Variants in SMAGP observed in about 807,000 individuals in gnomAD.
SMAGP encodes the protein small cell adhesion glycoprotein, also known as small cell transmembrane and glycosylated protein.
SMAGP carries 7 observed loss-of-function variants against 10.1 expected under a neutral mutation model. The ratio of observed to expected loss-of-function variants is 0.70; its 90% CI spans 0.40 to 1.31. The LOEUF is 1.31. SMAGP is among the 50% of genes most tolerant of loss of function. SMAGP has a pLI of 0.01. For synonymous variants in SMAGP, 49 were observed against 47.2 expected, an observed-to-expected ratio of 1.04 and a Z score of -0.16; for missense variants, 113 against 116.5, an observed-to-expected ratio of 0.97 and a Z score of 0.14.
At chr12:51,265,939 G>A (rs752810314) in intron 2 of SMAGP, among the ~76,000 whole-genome samples, 5 of 152,096 alleles carry the variant, frequency 3.3e-5, no homozygotes, top group African/African-American at 7.2e-5. Flanking sequence ...AAAATTAGCC[G>A]GGCGTGGTGG....
chr12:51,246,364 C>T (rs1592230321), intron 3 of SMAGP: 1 of 515,758 alleles, frequency 1.9e-6, no homozygotes, highest in East Asian at 3.1e-5. Flanking sequence ...TGAACTGCCT[C>T]CCAAACCAGT....
At chr12:51,252,645 C>G (rs1039563124) in intron 2 of SMAGP, among the ~76,000 whole-genome samples, 5 of 151,512 alleles carry the variant, frequency 3.3e-5, no homozygotes, top group Non-Finnish European at 7.3e-5. Context: ...CCCTCCTCAG[C>G]CTCCCAAAGT....
At chr12:51,260,581 T>G (rs899424872) in intron 2 of SMAGP, among the ~76,000 whole-genome samples, 1 of 150,516 alleles carries the variant, frequency 6.6e-6, no homozygotes. Flanking sequence ...GGTTTCACCG[T>G]GTTAGCCAGG....
intron 2 of SMAGP, among the ~76,000 whole-genome samples, chr12:51,265,022 A>G (rs76009329): frequency 0.024 from 3,579 of 152,174 alleles, 137 homozygotes; most frequent in African/African-American, 0.082. Flanking sequence ...TAAATATACA[A>G]CTGAACAAGA....
chr12:51,263,641 G>A (rs6580820), intron 2 of SMAGP, among the ~76,000 whole-genome samples: 103,379 of 152,022 alleles, frequency 0.68, 38,552 homozygotes, highest in Non-Finnish European at 0.85. Flanking sequence ...GTCTAATACA[G>A]GGTGAGGACA....
Position 51,245,812 on chromosome 12 carries a change from C to G in SMAGP, c.*129G>C. On this transcript the variant is annotated 3_prime_UTR_variant, in exon 4 of 4. Transcript: ENST00000603798. ...TGATGTCGGCATTTGGGACTGCGAC[C>G]TGGCTGGAGCTTGGATTTGCCCACA... 1 of 1,083,800 alleles carries G rather than the reference C, an allele frequency of 9.2e-7. No homozygotes were observed. The allele number at this position is 1,083,800 out of a possible 1,614,324, so 67.1% of individuals were successfully genotyped here. A position where few individuals can be genotyped will look rare whatever the true frequency, so the allele number is the denominator to read the frequency against.
At chr12:51,256,238 C>T (rs1276204996) in intron 2 of SMAGP, among the ~76,000 whole-genome samples, 1 of 151,936 alleles carries the variant, frequency 6.6e-6, no homozygotes, top group African/African-American at 2.4e-5. Context: ...GCAGGGGGAA[C>T]AAATTTGGAA....
intron 2 of SMAGP, 84 bp from the exon 3 acceptor site, chr12:51,246,915 C>T (rs1224564914): frequency 3.2e-6 from 3 of 928,498 alleles, no homozygotes; most frequent in Non-Finnish European, 4.7e-6. Flanking sequence ...ATTTCACCAC[C>T]CCACCTTCTT....
intron 2 of SMAGP, among the ~76,000 whole-genome samples, chr12:51,264,684 T>A (rs1425764547): frequency 6.9e-6 from 1 of 145,414 alleles, no homozygotes. Flanking sequence ...GTAATCCTAG[T>A]ACTTTGGGAG....
At chr12:51,260,370 G>T (rs7968214) in intron 2 of SMAGP, among the ~76,000 whole-genome samples, 17,377 of 149,898 alleles carry the variant, frequency 0.12, 2,062 homozygotes, top group African/African-American at 0.31. Flanking sequence ...TGTTTTTTTT[G>T]TTGTTGTTGT....
chr12:51,252,683 G>GC (rs1353120777), intron 2 of SMAGP, among the ~76,000 whole-genome samples: 10 of 149,844 alleles, frequency 6.7e-5, no homozygotes, highest in East Asian at 2.3e-4. Context: ...GAGCCACATC[G>GC]CCCCCCGAAG....
chr12:51,257,677 T>C (rs1944898227), intron 2 of SMAGP, among the ~76,000 whole-genome samples: 1 of 152,158 alleles, frequency 6.6e-6, no homozygotes, highest in South Asian at 2.1e-4. Context: ...CCCGAGTACC[T>C]GGGATTACAG....
intron 2 of SMAGP, among the ~76,000 whole-genome samples, chr12:51,264,423 GGA>G (rs1410018264): frequency 2.6e-5 from 4 of 152,042 alleles, no homozygotes. Context: ...CTTCAGGCCG[GGA>G]GAGTTGCCTG....
intron 2 of SMAGP, among the ~76,000 whole-genome samples, 198 bp from the exon 3 acceptor site, chr12:51,247,029 G>A (rs1944782969): frequency 6.6e-6 from 1 of 152,084 alleles, no homozygotes; most frequent in Non-Finnish European, 1.5e-5. Flanking sequence ...ATATGTTGAT[G>A]GATTTCTCCC....
intron 2 of SMAGP, among the ~76,000 whole-genome samples, chr12:51,260,978 A>G (rs1565659923): frequency 1.3e-5 from 2 of 151,110 alleles, no homozygotes; most frequent in South Asian, 2.1e-4. Context: ...TTTAGTAGAG[A>G]GGGGGTTTCA....
chr12:51,266,942 C>G (rs1944979689), intron 2 of SMAGP, among the ~76,000 whole-genome samples: 3 of 152,134 alleles, frequency 2.0e-5, no homozygotes, highest in Admixed American at 2.0e-4. Context: ...ATGGCGAAAC[C>G]CTGTCTCCAC....
intron 2 of SMAGP, among the ~76,000 whole-genome samples, chr12:51,249,452 AGT>A (rs1944814624): frequency 6.6e-6 from 1 of 152,016 alleles, no homozygotes; most frequent in Non-Finnish European, 1.5e-5. Context: ...CTAGGTAGAT[AGT>A]GTCAGAATTG....
chr12:51,269,272 T>C lies in SMAGP; in HGVS notation c.7A>G (p.Ser3Gly), dbSNP rs772267776. 1 of 1,613,796 alleles carries C rather than the reference T, an allele frequency of 6.2e-7. No individual in the cohort carries two copies. The highest frequency in any genetic ancestry group is 1.3e-5 in the African/African-American group (1 of 74,920). ...CTTGGAGAAGGAGTAGTCAGGAGGCTGGTCATTGTCACTAGTGGTTGAGTT... is the reference window on the plus strand; with the variant it reads ...CTTGGAGAAGGAGTAGTCAGGAGGCCGGTCATTGTCACTAGTGGTTGAGTT... MT[S>G]LLTTPSPREE... The change falls in exon 2 of 4, where the codon AGC becomes GGC. Residue 3 changes from serine to glycine, a missense_variant. Coordinates refer to ENST00000603798, the MANE Select transcript of SMAGP (RefSeq NM_001031628.2).
chr12:51,265,684 A>G (rs898952874), intron 2 of SMAGP, among the ~76,000 whole-genome samples: 1 of 152,152 alleles, frequency 6.6e-6, no homozygotes, highest in African/African-American at 2.4e-5. Context: ...CAGAAAATAG[A>G]ACGGTGTTTG....
Sources: gnomAD v4.1 joint callset for allele counts (sites outside exome capture counted in the v4.1 genomes callset) on GRCh38, gnomAD v4.1.1 for gene constraint, MANE v1.5 for transcripts, NCBI Gene and HGNC (gene_info 2026-07-23, HGNC 2026-07-21) for gene names.